CSMD2: variants seen among roughly 807,000 people sequenced by gnomAD.
The protein encoded by CSMD2 is CUB and sushi domain-containing protein 2.
Under a neutral mutation model 398.5 loss-of-function variants are expected in CSMD2, and 130 were observed. The ratio of observed to expected loss-of-function variants is 0.33; its 90% confidence interval spans 0.28 to 0.38. CSMD2 has a LOEUF of 0.38. Among genes scored for constraint, CSMD2 ranks in the 10% least tolerant of loss-of-function variants. The probability of loss-of-function intolerance (pLI) is 1.00; values close to 1 mark genes in which losing one functional copy is unlikely to be tolerated. For synonymous variants in CSMD2, 1,828 were observed against 1,908.5 expected (o/e 0.96, Z 1.10); for missense variants, 3,829 against 4,764.9 (o/e 0.80, Z 5.78).
At chr1:33,716,118 T>C (rs1646159128) in intron 20 of CSMD2, among the ~76,000 whole-genome samples, 168 bp downstream of exon 20, 1 of 152,232 alleles carries the variant, frequency 6.6e-6, no homozygotes, top group African/African-American at 2.4e-5. Context: ...AGGTAAGTTC[T>C]TACTTGGGTC....
chr1:33,777,320 G>T (rs956321200), intron 12 of CSMD2, among the ~76,000 whole-genome samples: 1 of 152,164 alleles, frequency 6.6e-6, no homozygotes, highest in Non-Finnish European at 1.5e-5. Context: ...AGAGCAGGGT[G>T]GGGTGAGAGT....
intron 29 of CSMD2, among the ~76,000 whole-genome samples, chr1:33,644,726 G>A (rs895029944): frequency 1.3e-5 from 2 of 152,184 alleles, no homozygotes; most frequent in African/African-American, 2.4e-5. Context: ...GATGGTGGTG[G>A]TGGGAGCAAT....
At chr1:33,787,696 G>C (rs565656719) in intron 12 of CSMD2, among the ~76,000 whole-genome samples, 3 of 152,286 alleles carry the variant, frequency 2.0e-5, no homozygotes, top group African/African-American at 7.2e-5. Context: ...CCTAAGAGGG[G>C]CTTAACAGTA....
intron 1 of CSMD2, among the ~76,000 whole-genome samples, chr1:34,119,791 G>A (rs1397511172): frequency 6.6e-6 from 1 of 152,196 alleles, no homozygotes; most frequent in Non-Finnish European, 1.5e-5. Flanking sequence ...AGGATGTGCA[G>A]AAACTGGAAT....
intron 5 of CSMD2, among the ~76,000 whole-genome samples, chr1:33,889,567 G>A (rs12060795): frequency 0.81 from 122,491 of 152,062 alleles, 50,069 homozygotes; most frequent in African/African-American, 0.94. Flanking sequence ...GTGCACTGAG[G>A]TATATTCATG....
intron 2 of CSMD2, among the ~76,000 whole-genome samples, chr1:34,081,896 G>A (rs112342075): frequency 0.03 from 4,532 of 149,724 alleles, 174 homozygotes; most frequent in African/African-American, 0.11. Context: ...CTGCCCAGCC[G>A]CCCAGTCTGG....
chr1:33,897,841 CA>C (rs1642493082), intron 5 of CSMD2, among the ~76,000 whole-genome samples: 1 of 152,204 alleles, frequency 6.6e-6, no homozygotes, highest in South Asian at 2.1e-4. Context: ...AAGGTGGTTC[CA>C]CAAATGTTAT....
At chr1:33,608,206 G>A (rs1231302914) in intron 41 of CSMD2, among the ~76,000 whole-genome samples, 1 of 152,196 alleles carries the variant, frequency 6.6e-6, no homozygotes, top group African/African-American at 2.4e-5. Context: ...TGTCGAGGGA[G>A]TCAATGGAGA....
chr1:33,864,780 C>T, intron 5 of CSMD2: 1 of 1,557,152 alleles, frequency 6.4e-7, no homozygotes, highest in Non-Finnish European at 8.7e-7. Flanking sequence ...AACAAAATGC[C>T]ATTCAACCGT....
At chr1:33,828,216 T>C (rs1038807695) in intron 6 of CSMD2, among the ~76,000 whole-genome samples, 1 of 152,232 alleles carries the variant, frequency 6.6e-6, no homozygotes, top group African/African-American at 2.4e-5. Flanking sequence ...AACACTAACA[T>C]GGACACACGA....
intron 3 of CSMD2, among the ~76,000 whole-genome samples, chr1:33,993,110 G>A (rs1300484683): frequency 6.6e-6 from 1 of 152,020 alleles, no homozygotes; most frequent in Non-Finnish European, 1.5e-5. Flanking sequence ...ATATGTCTGT[G>A]TCTATGTATA....
intron 5 of CSMD2, among the ~76,000 whole-genome samples, chr1:33,892,047 A>AATT (rs1011102109): frequency 4.7e-4 from 36 of 75,794 alleles, no homozygotes; most frequent in African/African-American, 2.2e-3. Flanking sequence ...CTTAAAGTAA[A>AATT]ATAATAATAA....
intron 3 of CSMD2, among the ~76,000 whole-genome samples, chr1:33,971,836 G>A (rs1482315645): frequency 2.0e-5 from 3 of 152,302 alleles, no homozygotes; most frequent in Non-Finnish European, 2.9e-5. Context: ...GAGAGTTGAC[G>A]AGATCTATTC....
intron 37 of CSMD2, 103 bp downstream of exon 37, chr1:33,622,064 G>C: frequency 1.2e-6 from 1 of 862,250 alleles, no homozygotes; most frequent in Admixed American, 1.8e-5. Context: ...GCTTAAGTGG[G>C]ATGGACAATA....
chr1:34,161,097 A>G (rs2085147461), intron 1 of CSMD2, among the ~76,000 whole-genome samples: 1 of 152,196 alleles, frequency 6.6e-6, no homozygotes, highest in African/African-American at 2.4e-5. Flanking sequence ...TGACCATATG[A>G]TAAGGAAGGA....
At chr1:33,680,965 C>T (rs1161233713) in intron 25 of CSMD2, among the ~76,000 whole-genome samples, 2 of 123,172 alleles carry the variant, frequency 1.6e-5, no homozygotes, top group African/African-American at 6.3e-5. Flanking sequence ...CACTCTGGCA[C>T]CCAGGCTGGA....
intron 15 of CSMD2, among the ~76,000 whole-genome samples, chr1:33,732,457 T>C (rs938238106): frequency 1.1e-4 from 17 of 152,248 alleles, no homozygotes; most frequent in Middle Eastern, 3.4e-3. Flanking sequence ...ACTGGTGTCC[T>C]CATTATAAGA....
chr1:33,625,565 T>G (rs897491659), intron 33 of CSMD2, among the ~76,000 whole-genome samples: 14 of 152,210 alleles, frequency 9.2e-5, no homozygotes, highest in African/African-American at 3.4e-4. Flanking sequence ...GGTCCCACGT[T>G]CCCTAGCAAG....
At chr1:34,137,370 C>A (rs918377196) in intron 1 of CSMD2, among the ~76,000 whole-genome samples, 10 of 152,186 alleles carry the variant, frequency 6.6e-5, no homozygotes, top group African/African-American at 2.4e-4. Flanking sequence ...CATCTTTGAG[C>A]ACTCTTAACA....
Sources: gnomAD v4.1 joint callset for allele counts (sites outside exome capture counted in the v4.1 genomes callset) on GRCh38, gnomAD v4.1.1 for gene constraint, MANE v1.5 for transcripts, NCBI Gene and HGNC (gene_info 2026-07-23, HGNC 2026-07-21) for gene names.